The following LYPLAL1 variants were observed in gnomAD, a reference collection of about 807,000 sequenced individuals.
LYPLAL1 encodes the protein lysophospholipase like 1.
Under a neutral mutation model 19.7 loss-of-function variants are expected in LYPLAL1, and 23 were observed. The observed-to-expected ratio is 1.17, with a 90% CI of 0.84 to 1.65. LYPLAL1 has a LOEUF of 1.65. Ranked by LOEUF, LYPLAL1 falls within the 40% of genes most tolerant of loss-of-function variation. The pLI, the probability that LYPLAL1 is intolerant of heterozygous loss-of-function variation, is 0.00. For missense variants in LYPLAL1, 355 were observed against 279.4 expected (o/e 1.27, Z -1.93); for synonymous variants, 119 against 96.3 (o/e 1.24, Z -1.38).
downstream of LYPLAL1, among the ~76,000 whole-genome samples, chr1:219,213,735 T>G (rs750663123): frequency 3.3e-5 from 5 of 152,118 alleles, no homozygotes; most frequent in Non-Finnish European, 5.9e-5. Flanking sequence ...TGAATCACAA[T>G]TTTTATATGT....
the LYPLAL1 span, among the ~76,000 whole-genome samples, chr1:219,306,916 C>T: frequency 1.7e-4 from 26 of 151,466 alleles, no homozygotes; most frequent in South Asian, 4.2e-4. Flanking sequence ...CCTGTTTCTC[C>T]GGAAAACCCT....
At chr1:219,265,915 C>A in the LYPLAL1 span, among the ~76,000 whole-genome samples, 1 of 151,908 alleles carries the variant, frequency 6.6e-6, no homozygotes, top group South Asian at 2.1e-4. Context: ...AAAATGTAAG[C>A]CAGTATAGGT....
the LYPLAL1 span, among the ~76,000 whole-genome samples, chr1:219,412,353 T>A: frequency 1.3e-5 from 2 of 152,210 alleles, no homozygotes; most frequent in Non-Finnish European, 2.9e-5. Flanking sequence ...CTTCTTGGTT[T>A]AATGTTGGCA....
At chr1:219,365,659 C>A in the LYPLAL1 span, among the ~76,000 whole-genome samples, 4 of 152,044 alleles carry the variant, frequency 2.6e-5, no homozygotes, top group African/African-American at 9.7e-5. Flanking sequence ...TGACAGTATT[C>A]CACAAAACCA....
the LYPLAL1 span, among the ~76,000 whole-genome samples, chr1:219,253,953 G>A: frequency 1.3e-5 from 2 of 152,014 alleles, no homozygotes; most frequent in African/African-American, 4.8e-5. Context: ...TATGAATCTG[G>A]GTGCTCCTAT....
chr1:219,226,079 A>G, the LYPLAL1 span, among the ~76,000 whole-genome samples: 2 of 152,130 alleles, frequency 1.3e-5, no homozygotes, highest in African/African-American at 4.8e-5. Context: ...TCTGTTCTCC[A>G]TGTTTCTGTA....
At chr1:219,179,708 A>T (rs1465673547) in intron 2 of LYPLAL1, among the ~76,000 whole-genome samples, 2 of 152,252 alleles carry the variant, frequency 1.3e-5, no homozygotes, top group Non-Finnish European at 2.9e-5. Flanking sequence ...TGCTTTTTTA[A>T]TCAGTAAACC....
chr1:219,369,600 C>A, the LYPLAL1 span, among the ~76,000 whole-genome samples: 2 of 152,234 alleles, frequency 1.3e-5, no homozygotes, highest in East Asian at 3.9e-4. Flanking sequence ...AAGCCTTGTA[C>A]GTGAATGATA....
the LYPLAL1 span, among the ~76,000 whole-genome samples, chr1:219,301,305 C>G: frequency 1.3e-5 from 2 of 152,030 alleles, no homozygotes; most frequent in African/African-American, 4.8e-5. Flanking sequence ...AAAACAGGTA[C>G]AAAAAGACGT....
chr1:219,351,487 A>G, the LYPLAL1 span, among the ~76,000 whole-genome samples: 2 of 152,176 alleles, frequency 1.3e-5, no homozygotes, highest in Admixed American at 6.5e-5. Flanking sequence ...TAGCATTAAA[A>G]TAGCAGGGTC....
intron 1 of LYPLAL1, among the ~76,000 whole-genome samples, chr1:219,178,607 T>C (rs536505846): frequency 6.6e-6 from 1 of 152,172 alleles, no homozygotes; most frequent in African/African-American, 2.4e-5. Flanking sequence ...AGTAGATAAT[T>C]CTTCTTTTAG....
chr1:219,346,267 AG>A, the LYPLAL1 span, among the ~76,000 whole-genome samples: 1 of 152,266 alleles, frequency 6.6e-6, no homozygotes, highest in East Asian at 1.9e-4. Context: ...AACAGGAATT[AG>A]AAAGGGTAAG....
At chr1:219,179,404 A>T (rs767514335) in intron 2 of LYPLAL1, 158 bp downstream of exon 2, 10 of 604,994 alleles carry the variant, frequency 1.7e-5, no homozygotes, top group Non-Finnish European at 2.6e-5. Flanking sequence ...TTGCAGTTAC[A>T]CTGTTGGACC....
At chr1:219,186,333 G>A (rs918680011) in intron 2 of LYPLAL1, among the ~76,000 whole-genome samples, 4 of 151,722 alleles carry the variant, frequency 2.6e-5, no homozygotes, top group Non-Finnish European at 2.9e-5. Flanking sequence ...ATGGTTCAAG[G>A]TATTTGAAAG....
chr1:219,376,218 C>T, the LYPLAL1 span, among the ~76,000 whole-genome samples: 1 of 150,490 alleles, frequency 6.6e-6, no homozygotes, highest in African/African-American at 2.5e-5. Context: ...GATGCTAAGA[C>T]CACTTAATGG....
the LYPLAL1 span, among the ~76,000 whole-genome samples, chr1:219,312,697 T>C: frequency 6.6e-6 from 1 of 152,218 alleles, no homozygotes; most frequent in Non-Finnish European, 1.5e-5. Context: ...TTTTCAGTGC[T>C]CCTCGGGATT....
downstream of LYPLAL1, among the ~76,000 whole-genome samples, chr1:219,214,657 T>C (rs1659223159): frequency 6.6e-6 from 1 of 150,806 alleles, no homozygotes; most frequent in Admixed American, 6.7e-5. Context: ...CAACGTCATA[T>C]TACTTTATTT....
the LYPLAL1 span, among the ~76,000 whole-genome samples, chr1:219,298,301 C>A: frequency 6.6e-6 from 1 of 152,030 alleles, no homozygotes; most frequent in Non-Finnish European, 1.5e-5. Context: ...TGGAGTAAGA[C>A]CCTGTCTCAA....
At chr1:219,409,364 A>G in the LYPLAL1 span, among the ~76,000 whole-genome samples, 4 of 151,902 alleles carry the variant, frequency 2.6e-5, 1 homozygote, top group South Asian at 6.2e-4. Context: ...TGGGAGGAAC[A>G]CTTGAGCTTG....
Sources: gnomAD v4.1 joint callset for allele counts (sites outside exome capture counted in the v4.1 genomes callset) on GRCh38, gnomAD v4.1.1 for gene constraint, MANE v1.5 for transcripts, NCBI Gene and HGNC (gene_info 2026-07-23, HGNC 2026-07-21) for gene names.